BMPR1B: variants seen among roughly 807,000 people sequenced by gnomAD.
BMPR1B encodes bone morphogenetic protein receptor type 1B.
In BMPR1B, 12 loss-of-function variants were observed where a neutral mutation model predicts 59.1. That is an observed-to-expected ratio of 0.20 (90% confidence interval 0.13 to 0.33). The LOEUF (loss-of-function observed/expected upper bound fraction) is 0.33. BMPR1B is among the 10% of genes least tolerant of loss of function. The pLI is 1.00. For missense variants in BMPR1B, 550 were observed against 610.9 expected (o/e 0.90, Z 1.05); for synonymous variants, 237 against 207.3 (o/e 1.14, Z -1.23).
intron 2 of BMPR1B, among the ~76,000 whole-genome samples, chr4:94,904,738 T>C (rs948501079): frequency 9.9e-5 from 15 of 152,184 alleles, no homozygotes; most frequent in East Asian, 1.9e-4. Flanking sequence ...AAAAAACTTA[T>C]ATATGAAAAA....
At chr4:95,108,454 G>T (rs1207902485) in intron 4 of BMPR1B, among the ~76,000 whole-genome samples, 5 of 152,052 alleles carry the variant, frequency 3.3e-5, no homozygotes, top group Non-Finnish European at 7.4e-5. Context: ...CCTCCCTGGA[G>T]AGAATAATCC....
chr4:94,801,845 TTAAA>T (rs1246549418), intron 1 of BMPR1B, among the ~76,000 whole-genome samples: 21 of 152,208 alleles, frequency 1.4e-4, no homozygotes, highest in African/African-American at 4.8e-4. Flanking sequence ...AAGTTTACGA[TTAAA>T]TAAATAAAGT....
chr4:94,979,919 C>T (rs1376663340), intron 2 of BMPR1B, among the ~76,000 whole-genome samples: 4 of 152,200 alleles, frequency 2.6e-5, no homozygotes, highest in Non-Finnish European at 5.9e-5. Flanking sequence ...CCGGTTTCCC[C>T]TTTGCTTTCA....
chr4:94,807,179 C>A (rs1389159218), intron 1 of BMPR1B, among the ~76,000 whole-genome samples: 1 of 152,128 alleles, frequency 6.6e-6, no homozygotes, highest in Admixed American at 6.5e-5. Flanking sequence ...ACTGCAATCT[C>A]TGCCTCCCAG....
intron 10 of BMPR1B, among the ~76,000 whole-genome samples, chr4:95,131,869 AT>A: frequency 6.6e-6 from 1 of 152,332 alleles, no homozygotes; most frequent in South Asian, 2.1e-4. Context: ...GATAAAGACA[AT>A]TTTTATATGG....
At chr4:94,904,652 A>G (rs140031560) in intron 2 of BMPR1B, among the ~76,000 whole-genome samples, 19 of 152,202 alleles carry the variant, frequency 1.2e-4, no homozygotes, top group Admixed American at 2.6e-4. Flanking sequence ...GTGCTAATCA[A>G]TGATGAGCAA....
chr4:95,012,843 A>C (rs1723317744), intron 3 of BMPR1B, among the ~76,000 whole-genome samples: 1 of 152,164 alleles, frequency 6.6e-6, no homozygotes, highest in East Asian at 1.9e-4. Flanking sequence ...AATAGTACTG[A>C]GAAGAAGAAA....
chr4:94,809,616 T>C (rs1292362316), intron 1 of BMPR1B, among the ~76,000 whole-genome samples: 1 of 152,192 alleles, frequency 6.6e-6, no homozygotes, highest in African/African-American at 2.4e-5. Flanking sequence ...TATTCACTTA[T>C]CTCCCTCTTT....
intron 8 of BMPR1B, among the ~76,000 whole-genome samples, chr4:95,125,650 T>G (rs969092346): frequency 2.0e-5 from 3 of 152,182 alleles, no homozygotes; most frequent in Admixed American, 2.0e-4. Flanking sequence ...TTACACTTAT[T>G]TTTTTCTAAA....
intron 11 of BMPR1B, among the ~76,000 whole-genome samples, chr4:95,151,484 C>T (rs1735038878): frequency 6.6e-6 from 1 of 152,062 alleles, no homozygotes; most frequent in Non-Finnish European, 1.5e-5. Flanking sequence ...CTTTTCTTAT[C>T]TCATATGGAG....
At chr4:94,783,966 G>A (rs1423975956) in intron 1 of BMPR1B, among the ~76,000 whole-genome samples, 1 of 152,054 alleles carries the variant, frequency 6.6e-6, no homozygotes, top group Non-Finnish European at 1.5e-5. Context: ...CTCTCATATC[G>A]AGCTGGAGGT....
chr4:94,773,296 A>G (rs1722252735), intron 1 of BMPR1B, among the ~76,000 whole-genome samples: 1 of 152,092 alleles, frequency 6.6e-6, no homozygotes, highest in African/African-American at 2.4e-5. Flanking sequence ...CCTTTAGAGC[A>G]AGGTACCATA....
chr4:95,003,310 T>C (rs897852911), intron 3 of BMPR1B, among the ~76,000 whole-genome samples: 5 of 152,186 alleles, frequency 3.3e-5, no homozygotes, highest in South Asian at 2.1e-4. Flanking sequence ...CTTTCTCACT[T>C]TTTTTGTGAA....
At chr4:94,877,506 G>A (rs185770699) in intron 2 of BMPR1B, among the ~76,000 whole-genome samples, 101 of 152,344 alleles carry the variant, frequency 6.6e-4, no homozygotes, top group African/African-American at 2.3e-3. Context: ...ACCACTGCCT[G>A]TGCACTAGGC....
In BMPR1B at chr4:94,905,482, AT is replaced by A. The variant is rs565121132; in HGVS notation, c.-113+29583del. On this transcript the variant is annotated intron_variant, in intron 2 of 12. Coordinates refer to ENST00000515059, the MANE Select transcript of BMPR1B (RefSeq NM_001203.3). The stretch of plus-strand genomic sequence containing the variant: ...TTTTTTACAGCTTAATCAGTGAAAA[AT>A]AATCTATATTTTCTGTCAAGTTGAG... Among the ~76,000 whole-genome samples the A allele has an allele frequency of 3.1e-4, 47 of 152,060 alleles. No individual in the cohort carries two copies. In the South Asian group the frequency reaches 6.2e-3, roughly 20 times the overall value.
chr4:94,947,768 C>T (rs1257756519), intron 2 of BMPR1B, among the ~76,000 whole-genome samples: 1 of 152,196 alleles, frequency 6.6e-6, no homozygotes, highest in Non-Finnish European at 1.5e-5. Context: ...TAGCGCCAGT[C>T]CTCCTTACAA....
intron 2 of BMPR1B, among the ~76,000 whole-genome samples, chr4:94,910,139 T>C (rs1728219745): frequency 6.6e-6 from 1 of 152,124 alleles, no homozygotes; most frequent in African/African-American, 2.4e-5. Context: ...GAGCCTTTGC[T>C]GACATCTTCA....
intron 1 of BMPR1B, among the ~76,000 whole-genome samples, chr4:94,826,336 C>G (rs1724381014): frequency 6.6e-6 from 1 of 151,974 alleles, no homozygotes; most frequent in South Asian, 2.1e-4. Context: ...CAAATGTAGT[C>G]ATTTGCACAC....
chr4:94,907,537 C>G (rs938807895), intron 2 of BMPR1B, among the ~76,000 whole-genome samples: 4 of 152,086 alleles, frequency 2.6e-5, no homozygotes, highest in Admixed American at 6.5e-5. Flanking sequence ...TCTCCATTCC[C>G]CTTTTGCCTC....
Sources: allele counts gnomAD v4.1 joint callset (sites outside exome capture counted in the v4.1 genomes callset), GRCh38; gene constraint gnomAD v4.1.1; transcripts MANE v1.5; gene names NCBI Gene and HGNC (gene_info 2026-07-23, HGNC 2026-07-21).